The following OPCML variants were observed in gnomAD, a reference collection of about 807,000 sequenced individuals.
The protein encoded by OPCML is opioid binding protein/cell adhesion molecule like.
OPCML carries 13 observed loss-of-function variants against 37.8 expected under a neutral mutation model. The ratio of observed to expected loss-of-function variants is 0.34; its 90% CI spans 0.22 to 0.55. The LOEUF is 0.55. Among genes scored for constraint, OPCML ranks in the 20% least tolerant of loss-of-function variants. The pLI is 0.91. For synonymous variants in OPCML, 176 were observed against 168.8 expected (o/e 1.04, Z -0.33); for missense variants, 341 against 435.6 (o/e 0.78, Z 1.93).
In OPCML at chr11:133,433,251, C is replaced by CAAAAAAAAAAA. The variant is rs71477795; in HGVS notation, c.61+99002_61+99012dup. On this transcript the variant is annotated intron_variant, in intron 1 of 7. Coordinates refer to ENST00000524381, the MANE Select transcript of OPCML (RefSeq NM_001012393.5). ...TGGGCGACAGAGCGAGACTCCGTCT[C>CAAAAAAAAAAA]AAAAAAAAAAAAAAAAAAATATTAC... Among the ~76,000 whole-genome samples the CAAAAAAAAAAA allele has an allele frequency of 2.8e-4, 25 of 90,732 alleles. 1 individual carries two copies. Among genetic ancestry groups the CAAAAAAAAAAA allele is most frequent in the African/African-American group, 1.1e-3 (23 of 21,836 alleles). 59.5% of individuals were successfully genotyped at this position (90,732 alleles called of 152,430 possible).
chr11:133,156,459 C>T (rs2163561), intron 1 of OPCML, among the ~76,000 whole-genome samples: 42,649 of 152,020 alleles, frequency 0.28, 6,062 homozygotes, highest in South Asian at 0.35. Flanking sequence ...CCAGAACCTA[C>T]GCCAAGAGAC....
At chr11:132,680,916 G>A (rs1224804587) in intron 2 of OPCML, among the ~76,000 whole-genome samples, 1 of 152,190 alleles carries the variant, frequency 6.6e-6, no homozygotes, top group Non-Finnish European at 1.5e-5. Context: ...CAAACCCATG[G>A]CATCTTTTCT....
At chr11:133,040,799 A>C (rs1474648765) in intron 1 of OPCML, among the ~76,000 whole-genome samples, 2 of 152,050 alleles carry the variant, frequency 1.3e-5, no homozygotes, top group African/African-American at 4.8e-5. Flanking sequence ...GGAAGTCAAT[A>C]CCACCAGGAT....
chr11:133,449,499 C>T (rs912290858), intron 1 of OPCML, among the ~76,000 whole-genome samples: 7 of 152,320 alleles, frequency 4.6e-5, no homozygotes, highest in African/African-American at 1.7e-4. Context: ...GATTAGGAGG[C>T]TTAATAGGAC....
At chr11:132,570,792 T>G (rs1350181898) in intron 3 of OPCML, among the ~76,000 whole-genome samples, 2,675 of 109,228 alleles carry the variant, frequency 0.024, 120 homozygotes, top group Middle Eastern at 0.059. Flanking sequence ...TATATATATA[T>G]ATATATATAT....
intron 2 of OPCML, among the ~76,000 whole-genome samples, chr11:132,768,868 G>T (rs1232228139): frequency 6.6e-6 from 1 of 152,198 alleles, no homozygotes; most frequent in Non-Finnish European, 1.5e-5. Context: ...AAAGCAGTGG[G>T]TGGTGGGAAG....
intron 1 of OPCML, among the ~76,000 whole-genome samples, chr11:132,991,917 C>G (rs6590673): frequency 0.27 from 41,041 of 151,386 alleles, 6,406 homozygotes; most frequent in African/African-American, 0.43. Flanking sequence ...CCAACACTGT[C>G]TGTGTAGGAT....
At chr11:132,986,201 CA>C (rs1209650407) in intron 1 of OPCML, among the ~76,000 whole-genome samples, 1 of 152,070 alleles carries the variant, frequency 6.6e-6, no homozygotes, top group East Asian at 1.9e-4. Context: ...CTAACTAAGC[CA>C]TTATTTTATT....
chr11:133,329,984 A>G (rs1034061705), intron 1 of OPCML, among the ~76,000 whole-genome samples: 1 of 152,222 alleles, frequency 6.6e-6, no homozygotes, highest in African/African-American at 2.4e-5. Context: ...ACTCAAGTTT[A>G]CAAGAAAAAA....
intron 3 of OPCML, among the ~76,000 whole-genome samples, chr11:132,609,051 T>C (rs1938476964): frequency 6.6e-6 from 1 of 152,244 alleles, no homozygotes; most frequent in Non-Finnish European, 1.5e-5. Flanking sequence ...CCTTCTTTCA[T>C]ACTAGTGTGA....
At chr11:133,162,985 A>G (rs1950164967) in intron 1 of OPCML, among the ~76,000 whole-genome samples, 1 of 152,230 alleles carries the variant, frequency 6.6e-6, no homozygotes, top group Admixed American at 6.5e-5. Context: ...ATGAAATGAT[A>G]AGAAAGGCTC....
intron 2 of OPCML, among the ~76,000 whole-genome samples, chr11:132,816,572 A>T (rs1183661365): frequency 6.6e-6 from 1 of 152,174 alleles, no homozygotes; most frequent in African/African-American, 2.4e-5. Flanking sequence ...TGCAGGTAAG[A>T]TTTCTTGTTT....
chr11:132,820,643 A>G (rs1939925757), intron 2 of OPCML, among the ~76,000 whole-genome samples: 1 of 152,148 alleles, frequency 6.6e-6, no homozygotes, highest in African/African-American at 2.4e-5. Flanking sequence ...GCTGGTGGGA[A>G]GAAAGGTAAA....
At chr11:132,771,654 T>C (rs1045060040) in intron 2 of OPCML, 4 of 152,216 alleles carry the variant, frequency 2.6e-5, no homozygotes, top group Non-Finnish European at 5.9e-5. Flanking sequence ...CCTAGTGAAG[T>C]TGTGAGACTT....
chr11:132,909,947 C>T (rs1217133450), intron 2 of OPCML, among the ~76,000 whole-genome samples: 1 of 152,126 alleles, frequency 6.6e-6, no homozygotes, highest in Non-Finnish European at 1.5e-5. Context: ...TATAAAATGG[C>T]ATTTCAAAAA....
intron 2 of OPCML, among the ~76,000 whole-genome samples, chr11:132,831,616 C>T (rs1940693098): frequency 6.6e-6 from 1 of 152,054 alleles, no homozygotes; most frequent in Non-Finnish European, 1.5e-5. Flanking sequence ...ACCCATCCAT[C>T]ATAACTGGTA....
At chr11:133,369,702 A>T (rs1944631018) in intron 1 of OPCML, among the ~76,000 whole-genome samples, 1 of 152,134 alleles carries the variant, frequency 6.6e-6, no homozygotes, top group Non-Finnish European at 1.5e-5. Context: ...TTCACCATAC[A>T]CACACACATA....
chr11:133,318,979 A>T (rs1943268571), intron 1 of OPCML, among the ~76,000 whole-genome samples: 1 of 151,768 alleles, frequency 6.6e-6, no homozygotes, highest in African/African-American at 2.4e-5. Context: ...GTGAGCCGAG[A>T]TCACACCACT....
intron 1 of OPCML, among the ~76,000 whole-genome samples, chr11:133,468,482 G>A (rs540843512): frequency 1.2e-3 from 179 of 152,340 alleles, no homozygotes; most frequent in African/African-American, 4.2e-3. Flanking sequence ...AGCCTCCCAA[G>A]TCCTCTAGGA....
Sources: allele counts gnomAD v4.1 joint callset (sites outside exome capture counted in the v4.1 genomes callset), GRCh38; gene constraint gnomAD v4.1.1; transcripts MANE v1.5; gene names NCBI Gene and HGNC (gene_info 2026-07-23, HGNC 2026-07-21).